The following CDH11 variants were observed in gnomAD, a reference collection of about 807,000 sequenced individuals.
CDH11 encodes the protein cadherin 11, also known as cadherin-11.
In CDH11, 11 loss-of-function variants were observed where a neutral mutation model predicts 67.8. That is an observed-to-expected ratio of 0.16 (90% confidence interval 0.10 to 0.27). The LOEUF (loss-of-function observed/expected upper bound fraction) is 0.27, where lower values mean the gene tolerates loss of function less well. Among genes scored for constraint, CDH11 ranks in the 10% least tolerant of loss-of-function variants. The pLI, the probability that CDH11 is intolerant of heterozygous loss-of-function variation, is 1.00. For missense variants in CDH11, 847 were observed against 1,031.2 expected (o/e 0.82, Z 2.45); for synonymous variants, 419 against 400.0 (o/e 1.05, Z -0.57).
chr16:64,979,383 G>A (rs538583210), intron 8 of CDH11, among the ~76,000 whole-genome samples: 2 of 152,284 alleles, frequency 1.3e-5, no homozygotes, highest in East Asian at 1.9e-4. Context: ...GGAAGCATAG[G>A]TTGGAGTGAG....
chr16:65,001,800 T>TAA (rs34584816), intron 3 of CDH11, among the ~76,000 whole-genome samples: 1,602 of 143,042 alleles, frequency 0.011, 31 homozygotes, highest in African/African-American at 0.034. Flanking sequence ...ACACACACAT[T>TAA]AAAAAAAAAA....
At chr16:65,091,995 C>G (rs1487459404) in intron 1 of CDH11, among the ~76,000 whole-genome samples, 2 of 152,118 alleles carry the variant, frequency 1.3e-5, no homozygotes, top group African/African-American at 4.8e-5. Context: ...CTGGATCTAC[C>G]TGAACTCATT....
At chr16:64,957,969 T>C (rs1376956241) in intron 11 of CDH11, among the ~76,000 whole-genome samples, 1 of 152,206 alleles carries the variant, frequency 6.6e-6, no homozygotes, top group Non-Finnish European at 1.5e-5. Flanking sequence ...TACTGATCAA[T>C]GATGAACTTA....
At chr16:65,099,097 T>C (rs1381451419) in intron 1 of CDH11, among the ~76,000 whole-genome samples, 1 of 152,190 alleles carries the variant, frequency 6.6e-6, no homozygotes. Context: ...AAACTGGGTA[T>C]GATGACTTGT....
chr16:65,048,559 A>G (rs1462639481), intron 2 of CDH11, among the ~76,000 whole-genome samples: 1 of 152,010 alleles, frequency 6.6e-6, no homozygotes, highest in African/African-American at 2.4e-5. Flanking sequence ...ATACATATAT[A>G]TGTGTGTGTA....
rs149350264 is a variant in CDH11 at position 64,946,058 on chromosome 16, C to T, written c.*1545G>A. 9.4e-7 allele frequency: 1 copy of T among 1,059,096 alleles called. No homozygotes were observed. Among genetic ancestry groups the T allele is most frequent in the East Asian group, 5.2e-5 (1 of 19,282 alleles). The allele number at this position is 1,059,096 out of a possible 1,614,324, so 65.6% of individuals were successfully genotyped here. ...TGGAATGCAGGGGACTGTAGACACA[C>T]TCCTGGACCAAATGGCATCGACTCT... On this transcript the variant is annotated 3_prime_UTR_variant, in exon 13 of 13. Transcript: ENST00000268603.
chr16:65,106,033 G>T (rs2075060929), intron 1 of CDH11, among the ~76,000 whole-genome samples: 1 of 152,132 alleles, frequency 6.6e-6, no homozygotes, highest in Non-Finnish European at 1.5e-5. Context: ...GTTTCCATGA[G>T]CCTACTATCA....
intron 4 of CDH11, 87 bp from the exon 5 acceptor site, chr16:64,993,121 C>T: frequency 8.9e-7 from 1 of 1,117,978 alleles, no homozygotes; most frequent in Non-Finnish European, 1.3e-6. Flanking sequence ...TAAAATTAAC[C>T]CTGAAGAAGG....
At chr16:65,060,406 T>C (rs2074219049) in intron 1 of CDH11, among the ~76,000 whole-genome samples, 1 of 151,858 alleles carries the variant, frequency 6.6e-6, no homozygotes. Flanking sequence ...ACAGCTAGAA[T>C]AGAAGGAAAA....
intron 2 of CDH11, among the ~76,000 whole-genome samples, chr16:65,026,361 A>G (rs1451919317): frequency 6.6e-6 from 1 of 152,128 alleles, no homozygotes; most frequent in African/African-American, 2.4e-5. Flanking sequence ...ATGCCTAGCT[A>G]ATGCCCAAAA....
intron 2 of CDH11, among the ~76,000 whole-genome samples, chr16:65,026,348 C>T (rs1249007118): frequency 1.3e-5 from 2 of 152,104 alleles, no homozygotes; most frequent in Non-Finnish European, 2.9e-5. Flanking sequence ...GTATTTAGTT[C>T]ATATGCCTAG....
chr16:64,961,831 A>C (rs2071682958), intron 11 of CDH11, among the ~76,000 whole-genome samples: 1 of 152,150 alleles, frequency 6.6e-6, no homozygotes, highest in Non-Finnish European at 1.5e-5. Context: ...GAATCAAAAA[A>C]TTGTAATAAA....
chr16:65,104,603 G>A (rs1025696167), intron 1 of CDH11, among the ~76,000 whole-genome samples: 4 of 152,070 alleles, frequency 2.6e-5, no homozygotes, highest in Admixed American at 1.3e-4. Flanking sequence ...AAAGACAGGG[G>A]GCAGTGGAAT....
chr16:65,121,968 G>T lies in CDH11; in HGVS notation c.-386C>A. ...CGGTGTCAGTCCCGGCCCCAGTCCCGGTCCCATTCACAAGTCAGCGGCGGC... is the reference window on the plus strand; with the variant it reads ...CGGTGTCAGTCCCGGCCCCAGTCCCTGTCCCATTCACAAGTCAGCGGCGGC... On this transcript the variant is annotated 5_prime_UTR_variant, in exon 1 of 13. Coordinates refer to ENST00000268603, the MANE Select transcript of CDH11 (RefSeq NM_001797.4). This position sits in a 1 kb window ranked among gnomAD's most constrained non-coding sequence, Gnocchi z 4.1. 1 of 701,654 alleles carries T rather than the reference G, an allele frequency of 1.4e-6. No homozygotes were observed. The highest frequency in any genetic ancestry group is 2.6e-6 in the Non-Finnish European group (1 of 384,478). 43.5% of individuals were successfully genotyped at this position (701,654 alleles called of 1,614,324 possible).
chr16:64,948,760 G>A lies in CDH11; in HGVS notation c.1895-661C>T, dbSNP rs193244979. 2.2e-5 allele frequency: 35 copies of A among 1,601,698 alleles called. No individual in the cohort carries two copies. The East Asian group carries it at 7.6e-4, about 35-fold the overall frequency. On this transcript the variant is annotated intron_variant, in intron 12 of 12. Transcript: ENST00000268603. The stretch of plus-strand genomic sequence containing the variant: ...AAGCAATCTCATGTCTTCCCTGGGA[G>A]AGGGGGGTTCCATTAAGCTTGGGCA...
intron 2 of CDH11, among the ~76,000 whole-genome samples, chr16:65,038,131 G>A (rs769764007): frequency 1.5e-4 from 23 of 151,938 alleles, no homozygotes; most frequent in Non-Finnish European, 2.9e-4. Flanking sequence ...TTTTTACTCC[G>A]GGAAGATCTA....
intron 11 of CDH11, among the ~76,000 whole-genome samples, chr16:64,963,010 C>T (rs532815645): frequency 6.6e-6 from 1 of 152,246 alleles, no homozygotes; most frequent in South Asian, 2.1e-4. Context: ...TATAGCAGTT[C>T]CTGTTACCCA....
chr16:64,971,781 T>C, intron 10 of CDH11, 85 bp from the exon 11 acceptor site: 1 of 1,390,960 alleles, frequency 7.2e-7, no homozygotes, highest in Non-Finnish European at 1.0e-6. Context: ...CTAGAAAGCC[T>C]GATTTTAATT....
At chr16:65,108,944 C>T (rs1055560385) in intron 1 of CDH11, among the ~76,000 whole-genome samples, 6 of 152,026 alleles carry the variant, frequency 3.9e-5, no homozygotes, top group Admixed American at 6.6e-5. Flanking sequence ...GTCAAGAGTT[C>T]GAGACCAGCC....
Sources: gnomAD v4.1 joint callset for allele counts (sites outside exome capture counted in the v4.1 genomes callset) on GRCh38, gnomAD v4.1.1 for gene constraint, Gnocchi (gnomAD v3.1) non-coding constraint, MANE v1.5 for transcripts, NCBI Gene and HGNC (gene_info 2026-07-23, HGNC 2026-07-21) for gene names.